The following PLXNA4 variants were observed in gnomAD, a reference collection of about 807,000 sequenced individuals.
PLXNA4 encodes plexin-A4.
PLXNA4 carries 44 observed loss-of-function variants against 191.8 expected under a neutral mutation model. The ratio of observed to expected loss-of-function variants is 0.23; its 90% confidence interval spans 0.18 to 0.29. PLXNA4 has a LOEUF of 0.29. PLXNA4 is among the 10% of genes least tolerant of loss of function. PLXNA4 has a pLI of 1.00. For synonymous variants in PLXNA4, 1,082 were observed against 1,009.5 expected, an observed-to-expected ratio of 1.07 and a Z score of -1.36; for missense variants, 1,800 against 2,488.8, an observed-to-expected ratio of 0.72 and a Z score of 5.89.
intron 10 of PLXNA4, among the ~76,000 whole-genome samples, chr7:132,210,152 A>C (rs1290279629): frequency 1.3e-5 from 2 of 152,180 alleles, no homozygotes; most frequent in Non-Finnish European, 2.9e-5. Context: ...AAATGTTCTG[A>C]ATCTATGTGT....
At chr7:132,532,792 C>T (rs1489218610) in intron 1 of PLXNA4, among the ~76,000 whole-genome samples, 8 of 152,224 alleles carry the variant, frequency 5.3e-5, no homozygotes, top group Admixed American at 4.6e-4. Flanking sequence ...CATGCATGTC[C>T]TGTGCTTTCC....
chr7:132,623,455 C>T (rs188963077), intron 2 of PLXNA4, among the ~76,000 whole-genome samples: 24 of 152,264 alleles, frequency 1.6e-4, no homozygotes, highest in African/African-American at 5.8e-4. Flanking sequence ...CAGTCTATGC[C>T]TCTGGCTGCC....
chr7:132,167,110 T>C (rs1371838583), intron 22 of PLXNA4, among the ~76,000 whole-genome samples: 1 of 152,070 alleles, frequency 6.6e-6, no homozygotes, highest in Non-Finnish European at 1.5e-5. Flanking sequence ...TGACATGACG[T>C]GGGAGTTTTC....
At position 132,130,163 on chromosome 7, in the gene PLXNA4, T is replaced by C. The variant is rs1004423457; in HGVS notation, c.*316A>G. 1 of 314,950 alleles carries C rather than the reference T, an allele frequency of 3.2e-6. No individual in the cohort carries two copies. Among genetic ancestry groups the C allele is most frequent in the Non-Finnish European group, 6.1e-6 (1 of 163,990 alleles). 19.5% of individuals were successfully genotyped at this position (314,950 alleles called of 1,614,324 possible). On this transcript the variant is annotated 3_prime_UTR_variant, in exon 32 of 32. Transcript: ENST00000321063. ...CGTTATTTGCACCCTGCTGCTGACA[T>C]GCACAGGGTCAGGAGCACCTGGGAG...
At position 132,368,758 on chromosome 7, in the gene PLXNA4, G is replaced by A. The variant is rs553739947; in HGVS notation, c.1372-70536C>T. On this transcript the variant is annotated intron_variant, in intron 3 of 31. Transcript: ENST00000321063. ...GACGTCTGCTGAGGAGCTGGGCCCC[G>A]CCCTGAAGGAAGACAGCCCAGCCCT... Among the ~76,000 whole-genome samples the A allele has an allele frequency of 1.2e-4, 18 of 152,266 alleles. No individual in the cohort carries two copies. The East Asian group carries it at 3.3e-3, about 28-fold the overall frequency.
chr7:132,616,198 C>A (rs757261813), intron 2 of PLXNA4, among the ~76,000 whole-genome samples: 9 of 152,192 alleles, frequency 5.9e-5, no homozygotes, highest in Non-Finnish European at 8.8e-5. Context: ...ATGTTCCATG[C>A]ACAGTTTAAA....
chr7:132,241,388 G>C (rs1461084054), intron 4 of PLXNA4, among the ~76,000 whole-genome samples: 1 of 152,146 alleles, frequency 6.6e-6, no homozygotes, highest in Non-Finnish European at 1.5e-5. Context: ...TTTCTTAGCA[G>C]TCTCCATGAA....
At chr7:132,425,481 C>T (rs10251424) in intron 3 of PLXNA4, among the ~76,000 whole-genome samples, 23,348 of 151,998 alleles carry the variant, frequency 0.15, 3,663 homozygotes, top group African/African-American at 0.39. Context: ...GTCTGTCTCC[C>T]GGAACCCCAG....
At chr7:132,575,644 C>T (rs1802191284) in intron 1 of PLXNA4, among the ~76,000 whole-genome samples, 1 of 152,194 alleles carries the variant, frequency 6.6e-6, no homozygotes, top group Non-Finnish European at 1.5e-5. Context: ...TAAGCAGGCA[C>T]TGAGGCTGTG....
rs538105495 is a variant in PLXNA4 at position 132,430,846 on chromosome 7, ATAAGCAAGGAGTCTCTT to A, written c.1371+58429_1371+58445del. ...TGGTGGCAGAGTACATAAGGACTGG[ATAAGCAAGGAGTCTCTT>A]TAAAGAAACCCTAAACTAGGACAGG... On this transcript the variant is annotated intron_variant, in intron 3 of 31. Transcript: ENST00000321063. 1.5e-3 allele frequency among the ~76,000 whole-genome samples: 236 copies of A among 152,344 alleles called. 7 individuals carry two copies. The South Asian group carries it at 0.043, about 28-fold the overall frequency.
At chr7:132,563,988 C>G (rs1163085081) in intron 1 of PLXNA4, among the ~76,000 whole-genome samples, 2 of 11,032 alleles carry the variant, frequency 1.8e-4, no homozygotes, top group South Asian at 7.0e-3. Flanking sequence ...TCCTTCTCCT[C>G]CTCCTCCTTC....
chr7:132,219,330 G>A (rs554691287), intron 9 of PLXNA4, among the ~76,000 whole-genome samples: 4 of 152,204 alleles, frequency 2.6e-5, no homozygotes, highest in African/African-American at 7.2e-5. Flanking sequence ...CTCTATAATC[G>A]CCAGCCCCCC....
At chr7:132,418,857 C>T (rs761136367) in intron 3 of PLXNA4, among the ~76,000 whole-genome samples, 3 of 152,212 alleles carry the variant, frequency 2.0e-5, no homozygotes, top group Non-Finnish European at 2.9e-5. Context: ...CCTTCACTTC[C>T]TCCAGGCCTG....
At chr7:132,209,849 C>A (rs994817364) in intron 10 of PLXNA4, among the ~76,000 whole-genome samples, 8 of 152,146 alleles carry the variant, frequency 5.3e-5, no homozygotes, top group African/African-American at 1.9e-4. Context: ...GTCCTCAAAT[C>A]CAGACCACCT....
chr7:132,229,940 T>C (rs1349770062), intron 5 of PLXNA4, among the ~76,000 whole-genome samples: 1 of 152,020 alleles, frequency 6.6e-6, no homozygotes, highest in Non-Finnish European at 1.5e-5. Flanking sequence ...GTGGAGAGCC[T>C]GAGAGGAGAA....
intron 2 of PLXNA4, among the ~76,000 whole-genome samples, chr7:132,619,622 T>C (rs1803222250): frequency 6.6e-6 from 1 of 152,224 alleles, no homozygotes; most frequent in African/African-American, 2.4e-5. Flanking sequence ...GCAATGACTG[T>C]CTTATTCATG....
At chr7:132,196,960 T>C (rs1212014124) in intron 13 of PLXNA4, among the ~76,000 whole-genome samples, 1 of 152,220 alleles carries the variant, frequency 6.6e-6, no homozygotes, top group Non-Finnish European at 1.5e-5. Flanking sequence ...TAAGAAAAAG[T>C]ATTTATTAAC....
rs142990853 is a variant in PLXNA4, at chr7:132,172,348, G to C, written c.4017+2430C>G. Among the ~76,000 whole-genome samples, 261 of 152,334 alleles carry C rather than the reference G, an allele frequency of 1.7e-3. 2 individuals are homozygous for C. Among genetic ancestry groups the C allele is most frequent in the African/African-American group, 6.1e-3 (255 of 41,560 alleles). On this transcript the variant is annotated intron_variant, in intron 21 of 31. Coordinates refer to ENST00000321063, the MANE Select transcript of PLXNA4 (RefSeq NM_020911.2). Reference sequence around the variant, plus strand: ...TTGGTACATGACCAGTGCCTGGGAAGCACCTTTCTTGAAGGCCTGGACTTA... The same window carrying C: ...TTGGTACATGACCAGTGCCTGGGAACCACCTTTCTTGAAGGCCTGGACTTA...
At chr7:132,582,015 G>T (rs1802411233), upstream of PLXNA4, among the ~76,000 whole-genome samples, 2 of 152,208 alleles carry the variant, frequency 1.3e-5, no homozygotes, top group African/African-American at 4.8e-5. Context: ...AAAGAAGAGA[G>T]TCCCAGATCT....
Sources: gnomAD v4.1 joint callset for allele counts (sites outside exome capture counted in the v4.1 genomes callset) on GRCh38, gnomAD v4.1.1 for gene constraint, MANE v1.5 for transcripts, NCBI Gene and HGNC (gene_info 2026-07-23, HGNC 2026-07-21) for gene names.